Variants in SEMA6D observed in about 807,000 individuals in gnomAD.
The protein encoded by SEMA6D is semaphorin 6D.
SEMA6D carries 35 observed loss-of-function variants against 106.6 expected under a neutral mutation model. That is an observed-to-expected ratio of 0.33 (90% CI 0.25 to 0.44). SEMA6D has a LOEUF of 0.44. SEMA6D is among the 20% of genes least tolerant of loss of function. SEMA6D has a pLI of 1.00. For synonymous variants in SEMA6D, 499 were observed against 487.7 expected, an observed-to-expected ratio of 1.02 and a Z score of -0.31; for missense variants, 1,185 against 1,345.9, an observed-to-expected ratio of 0.88 and a Z score of 1.87.
chr15:47,695,085 C>G (rs1378936055), intron 4 of SEMA6D, among the ~76,000 whole-genome samples: 1 of 152,180 alleles, frequency 6.6e-6, no homozygotes, highest in East Asian at 1.9e-4. Flanking sequence ...CATAGACAGG[C>G]AGATTGCCTA....
At chr15:47,337,232 G>T (rs1595760668) in intron 1 of SEMA6D, among the ~76,000 whole-genome samples, 1 of 152,134 alleles carries the variant, frequency 6.6e-6, no homozygotes, top group African/African-American at 2.4e-5. Flanking sequence ...TATGGGATAT[G>T]GGAGTATTGC....
intron 1 of SEMA6D, among the ~76,000 whole-genome samples, chr15:47,398,175 A>G (rs1449519938): frequency 6.6e-6 from 1 of 152,230 alleles, no homozygotes; most frequent in African/African-American, 2.4e-5. Context: ...CTTCTTAGCC[A>G]GAACTCAGGA....
At chr15:47,460,052 C>T (rs1323510587) in intron 2 of SEMA6D, among the ~76,000 whole-genome samples, 6 of 151,922 alleles carry the variant, frequency 3.9e-5, no homozygotes, top group African/African-American at 1.4e-4. Context: ...AAAAAAATGC[C>T]TATTTTCTAG....
chr15:47,295,619 A>G (rs1182705438), intron 1 of SEMA6D, among the ~76,000 whole-genome samples: 1 of 152,202 alleles, frequency 6.6e-6, no homozygotes, highest in Admixed American at 6.5e-5. Context: ...TCTTTAAAGC[A>G]ATGATTTGGG....
At chr15:47,404,121 A>T (rs2040483931) in intron 1 of SEMA6D, among the ~76,000 whole-genome samples, 2 of 152,240 alleles carry the variant, frequency 1.3e-5, no homozygotes, top group African/African-American at 4.8e-5. Context: ...ACAGAAGTGT[A>T]TCTCAAAAGG....
intron 4 of SEMA6D, among the ~76,000 whole-genome samples, chr15:47,612,469 G>A (rs1166297078): frequency 2.0e-5 from 3 of 152,232 alleles, no homozygotes; most frequent in African/African-American, 4.8e-5. Context: ...TCGGTGAGGT[G>A]TAAGAAGCTC....
intron 1 of SEMA6D, among the ~76,000 whole-genome samples, chr15:47,195,019 C>T (rs936624055): frequency 5.3e-5 from 8 of 152,176 alleles, no homozygotes; most frequent in Admixed American, 2.6e-4. Context: ...CACCAAGTTA[C>T]GTAAAGGAAA....
intron 1 of SEMA6D, among the ~76,000 whole-genome samples, chr15:47,757,015 T>A (rs187513569): frequency 6.6e-6 from 1 of 152,124 alleles, no homozygotes; most frequent in East Asian, 1.9e-4. Context: ...GAGAAATTGC[T>A]TTCTGCAGTG....
chr15:47,423,288 C>T (rs935443410), intron 2 of SEMA6D, among the ~76,000 whole-genome samples: 2 of 151,998 alleles, frequency 1.3e-5, no homozygotes, highest in South Asian at 2.1e-4. Flanking sequence ...GAAACTATAG[C>T]TGCCTTGGAG....
chr15:47,339,028 A>C (rs2037694000), intron 1 of SEMA6D: 1 of 152,168 alleles, frequency 6.6e-6, no homozygotes, highest in East Asian at 1.9e-4. Flanking sequence ...CATGGTTTTC[A>C]ATCATGCCTA....
In SEMA6D at chr15:47,601,402, G is replaced by C. The variant is rs185347338; in HGVS notation, c.-55+506G>C. On this transcript the variant is annotated intron_variant, in intron 4 of 19. Transcript: ENST00000558014. ...TTTCCAGGAGTATCTGTAAAAATTAGCAATTGAGGATGTGTTAATCACATT... is the reference window on the plus strand; with the variant it reads ...TTTCCAGGAGTATCTGTAAAAATTACCAATTGAGGATGTGTTAATCACATT... Among the ~76,000 whole-genome samples the C allele has an allele frequency of 8.1e-4, 123 of 152,246 alleles. 1 individual carries two copies. The highest frequency in any genetic ancestry group is 2.6e-3 in the African/African-American group (109 of 41,568).
chr15:47,344,543 C>T (rs1298391498), intron 1 of SEMA6D, among the ~76,000 whole-genome samples: 1 of 152,116 alleles, frequency 6.6e-6, no homozygotes, highest in African/African-American at 2.4e-5. Context: ...GGTATGCTCC[C>T]TGTGTTGAGG....
At chr15:47,337,726 A>G (rs1231354471) in intron 1 of SEMA6D, among the ~76,000 whole-genome samples, 5 of 152,174 alleles carry the variant, frequency 3.3e-5, no homozygotes, top group Admixed American at 3.3e-4. Context: ...ACATGCCTTC[A>G]TGAGTGTGCT....
At chr15:47,742,646 G>A (rs2080888019) in intron 1 of SEMA6D, among the ~76,000 whole-genome samples, 1 of 152,180 alleles carries the variant, frequency 6.6e-6, no homozygotes, top group Admixed American at 6.5e-5. Context: ...GGGTGTCTGG[G>A]ACTTTCAGTG....
intron 1 of SEMA6D, among the ~76,000 whole-genome samples, chr15:47,220,658 C>T (rs768177306): frequency 7.2e-5 from 11 of 152,202 alleles, no homozygotes; most frequent in South Asian, 2.1e-4. Context: ...TTTCCTTCTA[C>T]GTGTTTATTC....
intron 1 of SEMA6D, among the ~76,000 whole-genome samples, chr15:47,322,340 A>G (rs888863824): frequency 8.1e-5 from 12 of 147,748 alleles, no homozygotes; most frequent in African/African-American, 2.8e-4. Flanking sequence ...AGGATCTTAT[A>G]CTGTTGTTTC....
At chr15:47,540,535 G>T (rs112982215) in intron 3 of SEMA6D, among the ~76,000 whole-genome samples, 20 of 152,066 alleles carry the variant, frequency 1.3e-4, no homozygotes, top group Non-Finnish European at 2.4e-4. Context: ...TCCTGGTAAC[G>T]CAGGCAGGCT....
intron 1 of SEMA6D, among the ~76,000 whole-genome samples, chr15:47,363,265 A>C (rs553994468): frequency 2.0e-4 from 30 of 152,330 alleles, no homozygotes; most frequent in African/African-American, 6.5e-4. Flanking sequence ...ATTTGGCTTC[A>C]GAGACTGGAC....
At chr15:47,714,644 C>G (rs764808283), upstream of SEMA6D, among the ~76,000 whole-genome samples, 22 of 152,226 alleles carry the variant, frequency 1.4e-4, no homozygotes, top group Non-Finnish European at 3.1e-4. Flanking sequence ...GAGCCCTTTA[C>G]AATTTCTTCT....
Sources: gnomAD v4.1 joint callset for allele counts (sites outside exome capture counted in the v4.1 genomes callset) on GRCh38, gnomAD v4.1.1 for gene constraint, MANE v1.5 for transcripts, NCBI Gene and HGNC (gene_info 2026-07-23, HGNC 2026-07-21) for gene names.